The following ANO7 variants were observed in gnomAD, a reference collection of about 807,000 sequenced individuals.
ANO7 encodes anoctamin-7.
ANO7 carries 114 observed loss-of-function variants against 115.8 expected under a neutral mutation model. The observed-to-expected ratio is 0.98, with a 90% confidence interval of 0.85 to 1.15. The LOEUF (loss-of-function observed/expected upper bound fraction) is 1.15. Among genes scored for constraint, ANO7 ranks in the 50% most tolerant of loss-of-function variants. The probability of loss-of-function intolerance (pLI) is 0.00; values close to 1 mark genes in which losing one functional copy is unlikely to be tolerated. For missense variants in ANO7, 1,302 were observed against 1,201.2 expected, an observed-to-expected ratio of 1.08 and a Z score of -1.24; for synonymous variants, 550 against 498.2, an observed-to-expected ratio of 1.10 and a Z score of -1.38.
chr2:241,215,026 G>C, intron 18 of ANO7, 124 bp downstream of exon 18: 1 of 843,652 alleles, frequency 1.2e-6, no homozygotes, highest in South Asian at 1.8e-5. Context: ...CCTTGCCTGG[G>C]GAGGGGGAGG....
chr2:241,192,019 G>A (rs1053173481), intron 3 of ANO7, among the ~76,000 whole-genome samples: 28 of 152,210 alleles, frequency 1.8e-4, no homozygotes, highest in African/African-American at 6.3e-4. Context: ...GCGTGCATTC[G>A]TCTGCTGGGA....
Position 241,199,327 on chromosome 2 carries a change from G to T in ANO7, c.321G>T (p.Gln107His), listed in dbSNP as rs563025685. 6.2e-7 allele frequency: 1 copy of T among 1,613,702 alleles called. No individual in the cohort carries two copies. Among genetic ancestry groups the T allele is most frequent in the South Asian group, 1.1e-5 (1 of 91,086 alleles). The change falls in exon 5 of 25, where the codon CAG becomes CAT. Residue 107 changes from glutamine (Q) to histidine (H), a missense_variant. Physicochemically the swap from Gln to His is conservative, Grantham distance 24. Coordinates refer to ENST00000674324, the MANE Select transcript of ANO7 (RefSeq NM_001370694.2). ...CTGGGTGCCTACAGCAGGACGTCCA[G>T]GACGGGAACACCACAGTGCACTACG... is the stretch of plus-strand genomic sequence containing the variant. ...AGLCVDQQDVQDGNTTVHYAL... is the reference protein window; with the variant it reads ...AGLCVDQQDVHDGNTTVHYAL...
At position 241,190,677 on chromosome 2, in the gene ANO7, C is replaced by T. The variant is rs530355033; in HGVS notation, c.108+506C>T. On this transcript the variant is annotated intron_variant, in intron 2 of 24. Coordinates refer to ENST00000674324, the MANE Select transcript of ANO7 (RefSeq NM_001370694.2). ...GCCACACGTCTGCCCCAGCAGCCTG[C>T]GGGTGGACACGGGACCCCTTCCTGC... Among the ~76,000 whole-genome samples the T allele has an allele frequency of 6.6e-5, 10 of 152,300 alleles. No individual in the cohort carries two copies. The East Asian group carries it at 1.7e-3, about 26-fold the overall frequency.
At position 241,200,930 on chromosome 2, in the gene ANO7, G is replaced by A. The variant is rs78160055; in HGVS notation, c.555-368G>A. Among the ~76,000 whole-genome samples, 537 of 152,344 alleles carry A rather than the reference G, an allele frequency of 3.5e-3. 13 individuals are homozygous for A. The East Asian group carries it at 0.062, about 18-fold the overall frequency. The stretch of plus-strand genomic sequence containing the variant: ...CGGCCCCATGACGGAGCTTCAGGGC[G>A]GCACACGGGATGGGGCTCCCTGGCC... On this transcript the variant is annotated intron_variant, in intron 6 of 24. Transcript: ENST00000674324.
At chr2:241,202,966 C>T (rs775960178) in intron 8 of ANO7, among the ~76,000 whole-genome samples, 7 of 152,164 alleles carry the variant, frequency 4.6e-5, no homozygotes, top group Non-Finnish European at 7.4e-5. Context: ...TGGCTCCTCC[C>T]GCCAGCCAGG....
At position 241,224,096 on chromosome 2, in the gene ANO7, G is replaced by A; in HGVS notation, c.2584-1G>A. 1 of 1,614,036 alleles carries A rather than the reference G, an allele frequency of 6.2e-7. No homozygotes were observed. The highest frequency in any genetic ancestry group is 8.5e-7 in the Non-Finnish European group (1 of 1,180,004). ...GTCCCTGCCCCCAACCCTCTCCCCA[G>A]CTCAGCTCCCACTGGACACCCTTCA... On this transcript the variant is annotated splice_acceptor_variant, in intron 24 of 24. Coordinates refer to ENST00000674324, the MANE Select transcript of ANO7 (RefSeq NM_001370694.2). LOFTEE classifies it high-confidence loss of function.
the ANO7 span, among the ~76,000 whole-genome samples, chr2:241,233,025 G>A: frequency 2.0e-5 from 3 of 152,088 alleles, no homozygotes; most frequent in Non-Finnish European, 2.9e-5. This position sits in a 1 kb window ranked among gnomAD's most constrained non-coding sequence, Gnocchi z 4.3. Context: ...AACCCTGGGC[G>A]GCACATCCAC....
intron 5 of ANO7, 61 bp from the exon 6 acceptor site, chr2:241,200,028 C>T: frequency 1.3e-6 from 2 of 1,588,758 alleles, no homozygotes; most frequent in Non-Finnish European, 1.7e-6. Flanking sequence ...AACCTCCACT[C>T]CCACCTGGGG....
At chr2:241,206,585 GTCT>G (rs2068595722) in intron 10 of ANO7, among the ~76,000 whole-genome samples, 1 of 44,400 alleles carries the variant, frequency 2.3e-5, no homozygotes. Flanking sequence ...AGTGCTCCCA[GTCT>G]GACAGGTGGA....
At chr2:241,209,923 C>T (rs2068682711) in intron 13 of ANO7, among the ~76,000 whole-genome samples, 1 of 152,158 alleles carries the variant, frequency 6.6e-6, no homozygotes, top group Admixed American at 6.5e-5. Context: ...GGCACCCCAG[C>T]AGGGCCATTC....
chr2:241,217,749 T>G lies in ANO7; in HGVS notation c.2036T>G (p.Leu679Arg). 4 of 1,607,326 alleles carry G rather than the reference T, an allele frequency of 2.5e-6. No individual in the cohort carries two copies. Among genetic ancestry groups the G allele is most frequent in the Non-Finnish European group, 3.4e-6 (4 of 1,177,504 alleles). Reference protein sequence around the residue: ...AACPLAPLFALLNNWVEIRLD... With the variant: ...AACPLAPLFARLNNWVEIRLD... ...TGTCCGCTCGCGCCGCTCTTCGCCC[T>G]GCTCAACAACTGGGTGGAGATCCGC... The change falls in exon 20 of 25, where the codon CTG becomes CGG. Residue 679 changes from leucine to arginine, a missense_variant. Physicochemically the swap from Leu to Arg is moderately radical, Grantham distance 102. Transcript: ENST00000674324.
intron 18 of ANO7, 58 bp downstream of exon 18, chr2:241,214,960 T>C: frequency 1.3e-6 from 2 of 1,498,780 alleles, no homozygotes; most frequent in Admixed American, 1.8e-5. Context: ...CCAGAGCACC[T>C]GGCAGTAGCA....
intron 21 of ANO7, among the ~76,000 whole-genome samples, chr2:241,218,588 G>A (rs1168284250): frequency 1.3e-5 from 2 of 152,198 alleles, no homozygotes; most frequent in Non-Finnish European, 2.9e-5. Context: ...CGGGGCTGGA[G>A]GGCAAATCGT....
chr2:241,235,459 T>C, the ANO7 span: 9 of 1,552,402 alleles, frequency 5.8e-6, no homozygotes, highest in Middle Eastern at 1.7e-4. Context: ...AGGCCACTCC[T>C]GTGACATGGC....
intron 6 of ANO7, 53 bp downstream of exon 6, chr2:241,200,278 G>A (rs1446683899): frequency 6.2e-5 from 98 of 1,579,484 alleles, no homozygotes; most frequent in Admixed American, 4.0e-4. Context: ...AGTGGGAGTC[G>A]GTGAATGAGT....
At chr2:241,209,135 C>A (rs1366060810) in intron 11 of ANO7, 150 bp from the exon 12 acceptor site, 3 of 1,006,544 alleles carry the variant, frequency 3.0e-6, no homozygotes, top group East Asian at 5.4e-5. Flanking sequence ...GGTGACAGAG[C>A]CAGACTCCGT....
At position 241,202,511 on chromosome 2, in the gene ANO7, C is replaced by T. The variant is rs2074841; in HGVS notation, c.723+207C>T. On this transcript the variant is annotated intron_variant, in intron 8 of 24. Coordinates refer to ENST00000674324, the MANE Select transcript of ANO7 (RefSeq NM_001370694.2). ...GGCCTCAGGTCCGGCTCTGCGGGGA[C>T]TGCAGCCCACACTGCGGTGCCCAAC... is the stretch of plus-strand genomic sequence containing the variant. Among the ~76,000 whole-genome samples, 8,677 of 152,320 alleles carry T rather than the reference C, an allele frequency of 0.057. 660 individuals are homozygous for T. Among genetic ancestry groups the T allele is most frequent in the East Asian group, 0.31 (1,581 of 5,172 alleles).
intron 4 of ANO7, among the ~76,000 whole-genome samples, chr2:241,197,516 A>G (rs941603837): frequency 6.6e-6 from 1 of 152,136 alleles, no homozygotes; most frequent in African/African-American, 2.4e-5. Context: ...CCTCCTGAGT[A>G]GCTGGGACTA....
Position 241,218,269 on chromosome 2 carries a change from C to T in ANO7, c.2209C>T (p.Leu737=). ...CCTCCTGGCCTTCTCGTCCGACTTC[C>T]TGCCGCGCGCCTACTACCGGTGGAC... ...AFLLAFSSDF[L]PRAYYRWTRA... is the part of the protein sequence containing the mutation. Residue 737 remains leucine, a synonymous_variant, in exon 21 of 25, where the codon CTG becomes TTG. Coordinates refer to ENST00000674324, the MANE Select transcript of ANO7 (RefSeq NM_001370694.2). 1.3e-6 allele frequency: 2 copies of T among 1,533,416 alleles called. No homozygotes were observed. The highest frequency in any genetic ancestry group is 1.7e-6 in the Non-Finnish European group (2 of 1,147,592). The allele number at this position is 1,533,416 out of a possible 1,614,324, so 95.0% of individuals were successfully genotyped here.
Sources: allele counts gnomAD v4.1 joint callset (sites outside exome capture counted in the v4.1 genomes callset), GRCh38; gene constraint gnomAD v4.1.1; non-coding constraint Gnocchi (gnomAD v3.1); transcripts MANE v1.5; gene names NCBI Gene and HGNC (gene_info 2026-07-23, HGNC 2026-07-21).